TRIM2: variants seen among roughly 807,000 people sequenced by gnomAD.
The protein encoded by TRIM2 is tripartite motif-containing protein 2.
Under a neutral mutation model 75.2 loss-of-function variants are expected in TRIM2, and 20 were observed. That is an observed-to-expected ratio of 0.27 (90% CI 0.19 to 0.39). TRIM2 has a LOEUF of 0.39. Among genes scored for constraint, TRIM2 ranks in the 10% least tolerant of loss-of-function variants. The pLI is 1.00. For missense variants in TRIM2, 660 were observed against 990.8 expected (o/e 0.67, Z 4.48); for synonymous variants, 373 against 388.3 (o/e 0.96, Z 0.46).
chr4:153,254,998 C>T (rs1438909050), intron 1 of TRIM2, among the ~76,000 whole-genome samples: 2 of 152,204 alleles, frequency 1.3e-5, no homozygotes, highest in Non-Finnish European at 2.9e-5. Context: ...CTGTGCTGCA[C>T]TCAGTGCTTG....
intron 1 of TRIM2, among the ~76,000 whole-genome samples, chr4:153,206,671 C>T (rs1735530841): frequency 6.6e-6 from 1 of 152,056 alleles, no homozygotes; most frequent in Admixed American, 6.6e-5. Flanking sequence ...CAACCTCCTG[C>T]CCCTCTTTGC....
intron 1 of TRIM2, among the ~76,000 whole-genome samples, chr4:153,160,953 C>T (rs1319649672): frequency 6.6e-6 from 1 of 152,096 alleles, no homozygotes; most frequent in African/African-American, 2.4e-5. Context: ...GGAGCTAGCT[C>T]TCTGGCTCAC....
intron 1 of TRIM2, among the ~76,000 whole-genome samples, chr4:153,228,056 A>G (rs1329737427): frequency 1.3e-5 from 2 of 152,222 alleles, no homozygotes; most frequent in South Asian, 4.1e-4. Context: ...CGAAGTAAAC[A>G]TTTTGGATAT....
At chr4:153,292,417 T>G in intron 3 of TRIM2, among the ~76,000 whole-genome samples, 1 of 152,324 alleles carries the variant, frequency 6.6e-6, no homozygotes, top group Non-Finnish European at 1.5e-5. Flanking sequence ...TACTTTAAAA[T>G]TTTTATCCGT....
intron 1 of TRIM2, among the ~76,000 whole-genome samples, chr4:153,239,417 T>C (rs1011214526): frequency 6.9e-6 from 1 of 145,496 alleles, no homozygotes; most frequent in African/African-American, 2.8e-5. Context: ...ATAAAGATAG[T>C]GCTCTCTCTC....
At chr4:153,266,136 G>C (rs1289732092) in intron 1 of TRIM2, among the ~76,000 whole-genome samples, 1 of 152,092 alleles carries the variant, frequency 6.6e-6, no homozygotes, top group Non-Finnish European at 1.5e-5. Flanking sequence ...TTGTATAGCA[G>C]GTGCTTCACA....
chr4:153,303,006 A>G (rs1764235324), intron 6 of TRIM2, among the ~76,000 whole-genome samples: 1 of 152,220 alleles, frequency 6.6e-6, no homozygotes, highest in Non-Finnish European at 1.5e-5. Flanking sequence ...AGGCCCAGGA[A>G]CACACAGATC....
At chr4:153,332,385 C>T (rs1771655753) in intron 11 of TRIM2, among the ~76,000 whole-genome samples, 1 of 152,222 alleles carries the variant, frequency 6.6e-6, no homozygotes, top group South Asian at 2.1e-4. Context: ...TGGCTCACAT[C>T]TGTAATCCCA....
chr4:153,221,103 T>C (rs1289440301), intron 1 of TRIM2, among the ~76,000 whole-genome samples: 1 of 152,178 alleles, frequency 6.6e-6, no homozygotes, highest in Non-Finnish European at 1.5e-5. Context: ...GTCTATCAAA[T>C]GTTAAACAGA....
chr4:153,284,985 C>T lies in TRIM2; in HGVS notation c.454-7997C>T, dbSNP rs533758103. On this transcript the variant is annotated intron_variant, in intron 3 of 11. Coordinates refer to ENST00000338700, the MANE Select transcript of TRIM2 (RefSeq NM_015271.5). ...CTATTTTTTTCTTTTGTTGCTTGTG[C>T]TTTTGGTGTCATAGCTTAGAATCCA... 4.6e-5 allele frequency among the ~76,000 whole-genome samples: 7 copies of T among 152,042 alleles called. No homozygotes were observed. The East Asian group carries it at 1.4e-3, about 29-fold the overall frequency.
At chr4:153,308,736 G>C in intron 6 of TRIM2, 1 of 543,984 alleles carries the variant, frequency 1.8e-6, no homozygotes. Flanking sequence ...AGCTGAGCTT[G>C]CACAGGATTT....
intron 1 of TRIM2, among the ~76,000 whole-genome samples, chr4:153,190,616 A>G (rs747588777): frequency 1.9e-4 from 29 of 152,198 alleles, no homozygotes; most frequent in Non-Finnish European, 3.5e-4. Context: ...CAAAACTCAA[A>G]CTAACTCAGA....
rs1443749378 is a variant in TRIM2 at position 153,244,332 on chromosome 4, T to C, written c.31-26003T>C. On this transcript the variant is annotated intron_variant, in intron 1 of 11. Coordinates refer to ENST00000338700, the MANE Select transcript of TRIM2 (RefSeq NM_015271.5). ...CTCCTCCTCCTCCTCTTCTTCTTCT[T>C]CTTCTTCTTCTTCTTCTTCTTCCTC... Among the ~76,000 whole-genome samples, 11 of 28,234 alleles carry C rather than the reference T, an allele frequency of 3.9e-4. 1 individual carries two copies. Among genetic ancestry groups the C allele is most frequent in the African/African-American group, 3.2e-3 (11 of 3,396 alleles). 18.5% of individuals were successfully genotyped at this position (28,234 alleles called of 152,430 possible). A position where few individuals can be genotyped will look rare whatever the true frequency, so the allele number is the denominator to read the frequency against.
chr4:153,243,181 G>T (rs1276148501), intron 1 of TRIM2, among the ~76,000 whole-genome samples: 1 of 152,258 alleles, frequency 6.6e-6, no homozygotes, highest in East Asian at 1.9e-4. Context: ...TAGGAGGTAG[G>T]CCTGAGGCTA....
chr4:153,195,628 A>G (rs1307096575), intron 1 of TRIM2, among the ~76,000 whole-genome samples: 2 of 152,366 alleles, frequency 1.3e-5, no homozygotes, highest in East Asian at 1.9e-4. Context: ...TTTTAAGCTC[A>G]TAGTAATATG....
At position 153,180,970 on chromosome 4, in the gene TRIM2, G is replaced by A. The variant is rs181736431; in HGVS notation, c.-49+27700G>A. Among the ~76,000 whole-genome samples the A allele has an allele frequency of 1.5e-3, 236 of 152,316 alleles. 1 individual carries two copies. Among genetic ancestry groups the A allele is most frequent in the Non-Finnish European group, 2.8e-3 (192 of 68,032 alleles). On this transcript the variant is annotated intron_variant, in intron 1 of 11. Transcript: ENST00000437508. ...CCTCAAAGAGATTGCCTATACACTT[G>A]TCCCAAGTGTCACAAAGAGCCCCAG... is the stretch of plus-strand genomic sequence containing the variant.
chr4:153,300,363 C>T (rs1763621040), intron 6 of TRIM2, among the ~76,000 whole-genome samples: 1 of 152,018 alleles, frequency 6.6e-6, no homozygotes, highest in African/African-American at 2.4e-5. Flanking sequence ...GGTCATGGCT[C>T]ACTGCAACCT....
In TRIM2 at chr4:153,335,008, A is replaced by G. The variant is rs1239715227; in HGVS notation, c.*42A>G. 19 of 1,531,910 alleles carry G rather than the reference A, an allele frequency of 1.2e-5. No homozygotes were observed. The highest frequency in any genetic ancestry group is 1.7e-5 in the Non-Finnish European group (19 of 1,129,752). The allele number at this position is 1,531,910 out of a possible 1,614,324, so 94.9% of individuals were successfully genotyped here. A position where few individuals can be genotyped will look rare whatever the true frequency, so the allele number is the denominator to read the frequency against. ...ACCCGCTTCCATGGTCTTGCACTATAAACTGGAATGGATTTCTCAATGCGG... is the reference window on the plus strand; with the variant it reads ...ACCCGCTTCCATGGTCTTGCACTATGAACTGGAATGGATTTCTCAATGCGG... On this transcript the variant is annotated 3_prime_UTR_variant, in exon 12 of 12. Transcript: ENST00000338700.
intron 1 of TRIM2, among the ~76,000 whole-genome samples, chr4:153,164,832 A>T (rs1730125629): frequency 6.6e-6 from 1 of 152,128 alleles, no homozygotes; most frequent in African/African-American, 2.4e-5. Context: ...GTCTGTATTT[A>T]TATTACTAGG....
Sources: gnomAD v4.1 joint callset for allele counts (sites outside exome capture counted in the v4.1 genomes callset) on GRCh38, gnomAD v4.1.1 for gene constraint, MANE v1.5 for transcripts, NCBI Gene and HGNC (gene_info 2026-07-23, HGNC 2026-07-21) for gene names.